The following BBX variants were observed in gnomAD, a reference collection of about 807,000 sequenced individuals.
BBX encodes the protein BBX high mobility group box domain containing.
In BBX, 30 loss-of-function variants were observed where a neutral mutation model predicts 100.2. The ratio of observed to expected loss-of-function variants is 0.30; its 90% CI spans 0.22 to 0.41. The LOEUF (loss-of-function observed/expected upper bound fraction) is 0.41, where lower values mean the gene tolerates loss of function less well. BBX is among the 10% of genes least tolerant of loss of function. The pLI is 1.00. For missense variants in BBX, 1,023 were observed against 1,129.8 expected, an observed-to-expected ratio of 0.91 and a Z score of 1.35; for synonymous variants, 376 against 388.1, an observed-to-expected ratio of 0.97 and a Z score of 0.37.
intron 2 of BBX, among the ~76,000 whole-genome samples, chr3:107,607,176 A>G (rs2054511087): frequency 6.6e-6 from 1 of 152,056 alleles, no homozygotes; most frequent in Non-Finnish European, 1.5e-5. Context: ...GGCTCACTGC[A>G]ACCTCCATCT....
chr3:107,767,922 A>T (rs558812365), intron 10 of BBX, among the ~76,000 whole-genome samples: 2 of 152,212 alleles, frequency 1.3e-5, no homozygotes, highest in African/African-American at 2.4e-5. Flanking sequence ...GTCAAGAGGG[A>T]ACTGGTAAAG....
At chr3:107,742,090 A>G (rs2064156088) in intron 7 of BBX, among the ~76,000 whole-genome samples, 1 of 152,076 alleles carries the variant, frequency 6.6e-6, no homozygotes, top group African/African-American at 2.4e-5. Flanking sequence ...ATATTTTACA[A>G]TTTTTCTTAC....
At chr3:107,524,915 G>T (rs1470518811) in intron 1 of BBX, among the ~76,000 whole-genome samples, 1 of 151,678 alleles carries the variant, frequency 6.6e-6, no homozygotes, top group Non-Finnish European at 1.5e-5. Flanking sequence ...TGCCTGTCCT[G>T]CTAATGACAC....
At chr3:107,706,567 T>C (rs908964347) in intron 3 of BBX, among the ~76,000 whole-genome samples, 10 of 152,026 alleles carry the variant, frequency 6.6e-5, no homozygotes, top group African/African-American at 2.4e-4. Context: ...AAGTACAGAG[T>C]CCATTGATAG....
At chr3:107,643,720 C>G (rs977976838) in intron 2 of BBX, among the ~76,000 whole-genome samples, 2 of 152,186 alleles carry the variant, frequency 1.3e-5, no homozygotes, top group African/African-American at 4.8e-5. Flanking sequence ...CCACTCATTT[C>G]CGTCAAATCA....
At chr3:107,734,148 T>G (rs2063494346) in intron 7 of BBX, among the ~76,000 whole-genome samples, 1 of 152,178 alleles carries the variant, frequency 6.6e-6, no homozygotes, top group Non-Finnish European at 1.5e-5. Context: ...ATTCAAATAG[T>G]GGTTTTGTAG....
chr3:107,797,337 A>AATATATATATATATATAT (rs369837058), intron 15 of BBX, among the ~76,000 whole-genome samples: 641 of 39,086 alleles, frequency 0.016, 56 homozygotes, highest in African/African-American at 0.02. Context: ...TTTTCTTCCA[A>AATATATATATATATATAT]ATATATATAT....
intron 15 of BBX, among the ~76,000 whole-genome samples, chr3:107,794,245 A>G (rs17207620): frequency 0.16 from 24,469 of 152,066 alleles, 2,576 homozygotes; most frequent in South Asian, 0.36. Flanking sequence ...CAGCATTCCC[A>G]GTGAATTAAG....
intron 2 of BBX, among the ~76,000 whole-genome samples, chr3:107,577,398 C>T (rs991906064): frequency 2.0e-5 from 3 of 152,042 alleles, no homozygotes; most frequent in Admixed American, 6.6e-5. Flanking sequence ...AAAGGGAAAA[C>T]ATGGCGGGAA....
chr3:107,556,217 T>G (rs767739008), intron 2 of BBX, among the ~76,000 whole-genome samples: 2 of 152,216 alleles, frequency 1.3e-5, no homozygotes, highest in African/African-American at 4.8e-5. Context: ...CCTTTCATTT[T>G]AGAAAATTAC....
intron 8 of BBX, 144 bp downstream of exon 8, chr3:107,744,854 T>C: frequency 1.5e-6 from 1 of 652,832 alleles, no homozygotes; most frequent in Admixed American, 2.7e-5. Context: ...TTGGAAAAGA[T>C]ATTTTGGGTC....
At chr3:107,606,669 G>T (rs1166851162) in intron 2 of BBX, among the ~76,000 whole-genome samples, 1 of 151,778 alleles carries the variant, frequency 6.6e-6, no homozygotes, top group Admixed American at 6.6e-5. Context: ...ATTTTTGTGG[G>T]TACCTTGTAG....
intron 3 of BBX, among the ~76,000 whole-genome samples, chr3:107,693,068 G>A (rs2108095997): frequency 6.9e-6 from 1 of 144,364 alleles, no homozygotes; most frequent in South Asian, 2.3e-4. Flanking sequence ...TTGTAAATTT[G>A]TTTGAGTTCA....
chr3:107,760,386 A>G (rs2065805858), intron 10 of BBX, among the ~76,000 whole-genome samples: 1 of 152,228 alleles, frequency 6.6e-6, no homozygotes, highest in South Asian at 2.1e-4. Flanking sequence ...TTTTTAAAAA[A>G]TGTCTGTGCT....
chr3:107,730,153 G>T (rs1237159227), intron 6 of BBX, among the ~76,000 whole-genome samples: 2 of 152,166 alleles, frequency 1.3e-5, no homozygotes, highest in South Asian at 2.1e-4. Flanking sequence ...TGATTGCTAT[G>T]TGGGTGTCTG....
At chr3:107,744,929 T>C (rs1346167957) in intron 8 of BBX, among the ~76,000 whole-genome samples, 2 of 152,196 alleles carry the variant, frequency 1.3e-5, no homozygotes, top group Non-Finnish European at 2.9e-5. Flanking sequence ...ATTAAAGTCA[T>C]ACTAAATATT....
At chr3:107,674,424 TTTTATATCACC>T (rs2059180734) in intron 3 of BBX, among the ~76,000 whole-genome samples, 1 of 152,162 alleles carries the variant, frequency 6.6e-6, no homozygotes, top group Non-Finnish European at 1.5e-5. Context: ...GATTTTAAAC[TTTTATATCACC>T]TTGGAAGTTT....
chr3:107,651,103 C>T (rs1219472215), intron 3 of BBX, among the ~76,000 whole-genome samples: 1 of 152,170 alleles, frequency 6.6e-6, no homozygotes, highest in East Asian at 1.9e-4. Flanking sequence ...GGCCCTGTCC[C>T]ATCACATTGG....
Position 107,607,019 on chromosome 3 carries a change from T to C in BBX, c.-83-38817T>C, listed in dbSNP as rs531032540. Among the ~76,000 whole-genome samples, 3 of 152,312 alleles carry C rather than the reference T, an allele frequency of 2.0e-5. No individual in the cohort carries two copies. In the East Asian group the frequency reaches 5.8e-4, roughly 29 times the overall value. On this transcript the variant is annotated intron_variant, in intron 2 of 17. Transcript: ENST00000325805. ...TAGCTTCCCAAGATTAGTGAAAACA[T>C]ATGATGTTTGTCTTTCTCTGCCTGG...
Sources: gnomAD v4.1 joint callset for allele counts (sites outside exome capture counted in the v4.1 genomes callset) on GRCh38, gnomAD v4.1.1 for gene constraint, MANE v1.5 for transcripts, NCBI Gene and HGNC (gene_info 2026-07-23, HGNC 2026-07-21) for gene names.